Variants in LRP5 observed in about 807,000 individuals in gnomAD.
LRP5 encodes low-density lipoprotein receptor-related protein 5.
In LRP5, 62 loss-of-function variants were observed where a neutral mutation model predicts 154.1. The ratio of observed to expected loss-of-function variants is 0.40; its 90% CI spans 0.33 to 0.50. LRP5 has a LOEUF of 0.50. LRP5 is among the 20% of genes least tolerant of loss of function. The probability of loss-of-function intolerance (pLI) is 0.55; values close to 1 mark genes in which losing one functional copy is unlikely to be tolerated. For synonymous variants in LRP5, 966 were observed against 1,011.5 expected (o/e 0.96, Z 0.85); for missense variants, 1,915 against 2,336.7 (o/e 0.82, Z 3.72).
chr11:68,338,999 G>A (rs1202793959), intron 1 of LRP5, among the ~76,000 whole-genome samples: 2 of 139,862 alleles, frequency 1.4e-5, no homozygotes, highest in Non-Finnish European at 3.0e-5. Flanking sequence ...TCAGCCTCCC[G>A]AGTAGCTGGG....
chr11:68,403,733 C>T, intron 8 of LRP5, 34 bp downstream of exon 8: 3 of 1,610,952 alleles, frequency 1.9e-6, no homozygotes, highest in South Asian at 2.2e-5. Flanking sequence ...ATGGCTCAGC[C>T]ATGCAGACTT....
chr11:68,421,788 G>T (rs1591307583), intron 13 of LRP5, among the ~76,000 whole-genome samples: 1 of 116,256 alleles, frequency 8.6e-6, no homozygotes, highest in Admixed American at 7.8e-5. Flanking sequence ...GGGGGTGTGT[G>T]TGTGTGGGGT....
intron 16 of LRP5, among the ~76,000 whole-genome samples, 178 bp downstream of exon 16, chr11:68,426,365 T>G (rs1266256313): frequency 1.3e-5 from 2 of 152,122 alleles, no homozygotes; most frequent in Non-Finnish European, 2.9e-5. Flanking sequence ...CCTCTGAGGT[T>G]GTTTTCTTTT....
At chr11:68,438,232 AGAG>A (rs1464834437) in intron 19 of LRP5, among the ~76,000 whole-genome samples, 2 of 152,100 alleles carry the variant, frequency 1.3e-5, no homozygotes, top group Admixed American at 1.3e-4. Flanking sequence ...GGCGGGGGTC[AGAG>A]GAGGAGGAGG....
intron 1 of LRP5, among the ~76,000 whole-genome samples, chr11:68,346,106 C>T (rs2098612697): frequency 6.6e-6 from 1 of 152,214 alleles, no homozygotes; most frequent in African/African-American, 2.4e-5. Context: ...AATATTTTCT[C>T]TCATTCTGTG....
At chr11:68,348,793 A>C (rs902397469) in intron 2 of LRP5, among the ~76,000 whole-genome samples, 2 of 152,124 alleles carry the variant, frequency 1.3e-5, no homozygotes, top group African/African-American at 2.4e-5. Flanking sequence ...AGTATACAAA[A>C]ATGAATCGGG....
intron 17 of LRP5, among the ~76,000 whole-genome samples, chr11:68,433,177 G>A (rs2098672907): frequency 6.6e-6 from 1 of 152,222 alleles, no homozygotes; most frequent in Non-Finnish European, 1.5e-5. Context: ...TGGTCCTGAG[G>A]AGGGCGCAGT....
Position 68,386,282 on chromosome 11 carries a change from T to C in LRP5, c.1016-34T>C, listed in dbSNP as rs2098642954. The C allele has an allele frequency of 6.2e-7, 1 of 1,607,332 alleles. No individual in the cohort carries two copies. ...CTAGACTTGTGCCTGCTGCAGGCCC[T>C]TGACCCCTGACCCCATTGCACCTGT... On this transcript the variant is annotated intron_variant, in intron 5 of 22. Transcript: ENST00000294304. This position sits in a 1 kb window ranked among gnomAD's most constrained non-coding sequence, Gnocchi z 7.9.
At chr11:68,339,978 C>T (rs533921585) in intron 1 of LRP5, among the ~76,000 whole-genome samples, 2 of 152,290 alleles carry the variant, frequency 1.3e-5, no homozygotes, top group African/African-American at 4.8e-5. Flanking sequence ...TGGTGGCTCA[C>T]ACCTGTAATC....
chr11:68,319,276 C>T (rs1374829510), intron 1 of LRP5, among the ~76,000 whole-genome samples: 1 of 152,032 alleles, frequency 6.6e-6, no homozygotes, highest in Admixed American at 6.5e-5. Flanking sequence ...CCACGTTGGC[C>T]AGGCTGGTCT....
the LRP5 span, among the ~76,000 whole-genome samples, chr11:68,299,985 T>C: frequency 7.0e-6 from 1 of 143,342 alleles, no homozygotes; most frequent in South Asian, 2.2e-4. Context: ...GCAACCTCTT[T>C]CTCCCAGGTT....
chr11:68,426,620 C>T (rs900475473), intron 16 of LRP5, among the ~76,000 whole-genome samples: 6 of 151,710 alleles, frequency 4.0e-5, no homozygotes, highest in African/African-American at 1.5e-4. Context: ...ACGGGGTTTC[C>T]CCATGTTGCC....
At chr11:68,396,492 C>A (rs1232207722) in intron 7 of LRP5, among the ~76,000 whole-genome samples, 1 of 152,172 alleles carries the variant, frequency 6.6e-6, no homozygotes, top group African/African-American at 2.4e-5. Context: ...TTTCAGCATC[C>A]AGTGCATGAG....
In LRP5 at chr11:68,425,279, C is replaced by T. The variant is rs1591312072; in HGVS notation, c.3414C>T (p.Ser1138=). 6.2e-7 allele frequency: 1 copy of T among 1,609,054 alleles called. No individual in the cohort carries two copies. Among genetic ancestry groups the T allele is most frequent in the Non-Finnish European group, 8.5e-7 (1 of 1,179,902 alleles). ...WVDADLKRIE[S]CDLSGANRLT... is the part of the protein sequence containing the mutation. The stretch of plus-strand genomic sequence containing the variant: ...ACGCGGACCTGAAGCGCATTGAGAG[C>T]TGTGACCTGTCAGGTACGCGCCCCG... The change falls in exon 15 of 23, where the codon AGC becomes AGT. Residue 1138 remains serine, a synonymous_variant. Transcript: ENST00000294304.
intron 5 of LRP5, among the ~76,000 whole-genome samples, chr11:68,369,842 G>C (rs2098633082): frequency 6.6e-6 from 1 of 152,128 alleles, no homozygotes; most frequent in African/African-American, 2.4e-5. Context: ...ACTTGCCCAG[G>C]CTACCCTGGC....
chr11:68,339,224 G>A (rs183341424), intron 1 of LRP5, among the ~76,000 whole-genome samples: 36 of 152,044 alleles, frequency 2.4e-4, no homozygotes, highest in African/African-American at 4.6e-4. Flanking sequence ...CACACAGGCT[G>A]GAGCGCAGTG....
At chr11:68,409,073 A>AATAT (rs1174773377) in intron 9 of LRP5, among the ~76,000 whole-genome samples, 25 of 44,156 alleles carry the variant, frequency 5.7e-4, no homozygotes, top group African/African-American at 2.3e-3. Flanking sequence ...AAAAAAAAAA[A>AATAT]ATATATATAT....
At chr11:68,420,470 C>T (rs545494982) in intron 13 of LRP5, among the ~76,000 whole-genome samples, 67 of 152,048 alleles carry the variant, frequency 4.4e-4, no homozygotes, top group South Asian at 2.5e-3. Context: ...TTTGGGAGTC[C>T]GAGGTGGGCA....
In LRP5 at chr11:68,446,075, C is replaced by T. The variant is rs971354947; in HGVS notation, c.4489-361C>T. 5.3e-5 allele frequency among the ~76,000 whole-genome samples: 8 copies of T among 152,312 alleles called. No individual in the cohort carries two copies. The South Asian group carries it at 1.7e-3, about 32-fold the overall frequency. On this transcript the variant is annotated intron_variant, in intron 21 of 22. Coordinates refer to ENST00000294304, the MANE Select transcript of LRP5 (RefSeq NM_002335.4). Reference sequence around the variant, plus strand: ...GTGAGGTGCTAACTGGTGTGGAGGACACTCAGGGCCTGTGGGGACATCTCC... The same window carrying T: ...GTGAGGTGCTAACTGGTGTGGAGGATACTCAGGGCCTGTGGGGACATCTCC...
Sources: allele counts gnomAD v4.1 joint callset (sites outside exome capture counted in the v4.1 genomes callset), GRCh38; gene constraint gnomAD v4.1.1; non-coding constraint Gnocchi (gnomAD v3.1); transcripts MANE v1.5; gene names NCBI Gene and HGNC (gene_info 2026-07-23, HGNC 2026-07-21).